The following SIRPA variants were observed in gnomAD, a reference collection of about 807,000 sequenced individuals.
SIRPA encodes the protein tyrosine-protein phosphatase non-receptor type substrate 1.
SIRPA carries 9 observed loss-of-function variants against 50.3 expected under a neutral mutation model. The ratio of observed to expected loss-of-function variants is 0.18; its 90% confidence interval spans 0.11 to 0.31. The LOEUF (loss-of-function observed/expected upper bound fraction) is 0.31. Ranked by LOEUF, SIRPA falls within the 10% of genes least tolerant of loss-of-function variation. The probability of loss-of-function intolerance (pLI) is 1.00; values close to 1 mark genes in which losing one functional copy is unlikely to be tolerated. For missense variants in SIRPA, 474 were observed against 661.6 expected (o/e 0.72, Z 3.11); for synonymous variants, 265 against 284.1 (o/e 0.93, Z 0.68).
chr20:1,894,441 A>T (rs1429633475), upstream of SIRPA: 2 of 152,088 alleles, frequency 1.3e-5, no homozygotes, highest in African/African-American at 4.8e-5. This position sits in a 1 kb window ranked among gnomAD's most constrained non-coding sequence, Gnocchi z 4.0. Flanking sequence ...AAGTTTGCGC[A>T]AAGTGGAGCG....
chr20:1,910,159 A>C (rs1004293486), intron 1 of SIRPA, among the ~76,000 whole-genome samples: 10 of 152,176 alleles, frequency 6.6e-5, no homozygotes, highest in South Asian at 2.1e-4. Flanking sequence ...TGGAAGCTCC[A>C]TGAGGCCAGG....
intron 1 of SIRPA, among the ~76,000 whole-genome samples, chr20:1,897,745 G>T (rs866135397): frequency 6.6e-6 from 1 of 151,678 alleles, no homozygotes; most frequent in East Asian, 1.9e-4. Flanking sequence ...TTTTGGGGGG[G>T]TGGGGCCAAT....
chr20:1,896,361 C>T (rs1016086205), intron 1 of SIRPA, among the ~76,000 whole-genome samples: 2 of 149,516 alleles, frequency 1.3e-5, no homozygotes, highest in African/African-American at 2.5e-5. Context: ...GGCTACTGTG[C>T]ATGTTCACCA....
intron 6 of SIRPA, among the ~76,000 whole-genome samples, chr20:1,930,624 CTT>C (rs1448492324): frequency 6.6e-6 from 1 of 152,072 alleles, no homozygotes. Flanking sequence ...GAGTTTTGCT[CTT>C]GTTGCCCATG....
At chr20:1,931,532 G>T (rs1986299128) in intron 6 of SIRPA, among the ~76,000 whole-genome samples, 1 of 152,168 alleles carries the variant, frequency 6.6e-6, no homozygotes, top group African/African-American at 2.4e-5. Flanking sequence ...GAGATCACTT[G>T]CTCCCTTTCA....
Position 1,932,533 on chromosome 20 carries a change from T to C in SIRPA, c.1227-2182T>C, listed in dbSNP as rs1986351475. On this transcript the variant is annotated intron_variant, in intron 6 of 7. Coordinates refer to ENST00000358771, the MANE Select transcript of SIRPA (RefSeq NM_001040023.2). This position sits in a 1 kb window ranked among gnomAD's most constrained non-coding sequence, Gnocchi z 6.0. ...AGGAGAGGGATGGAGCCTAGAGCAG[T>C]TGGCCGAGCTGAGCCTTGGAGCTGG... Among the ~76,000 whole-genome samples the C allele has an allele frequency of 1.3e-5, 2 of 152,202 alleles. No homozygotes were observed. Among genetic ancestry groups the C allele is most frequent in the Non-Finnish European group, 2.9e-5 (2 of 68,036 alleles).
At chr20:1,929,256 G>A (rs1986165802) in intron 6 of SIRPA, among the ~76,000 whole-genome samples, 2 of 152,100 alleles carry the variant, frequency 1.3e-5, no homozygotes, top group Non-Finnish European at 1.5e-5. Context: ...TACAGGAGGT[G>A]AGGATGTGTA....
chr20:1,934,774 G>T lies in SIRPA; in HGVS notation c.1266+20G>T. 1 of 1,613,648 alleles carries T rather than the reference G, an allele frequency of 6.2e-7. No homozygotes were observed. The highest frequency in any genetic ancestry group is 1.6e-4 in the Middle Eastern group (1 of 6,062). Reference sequence around the variant, plus strand: ...ACACAGGTACAGTCCTTGGTGAGATGCCCTTCCTGGGAAACTCCGTGGCGT... The same window carrying T: ...ACACAGGTACAGTCCTTGGTGAGATTCCCTTCCTGGGAAACTCCGTGGCGT... On this transcript the variant is annotated intron_variant, in intron 7 of 7. Transcript: ENST00000358771. This position sits in a 1 kb window ranked among gnomAD's most constrained non-coding sequence, Gnocchi z 4.6.
intron 2 of SIRPA, among the ~76,000 whole-genome samples, chr20:1,921,176 C>T (rs1985626377): frequency 6.6e-6 from 1 of 152,150 alleles, no homozygotes; most frequent in Non-Finnish European, 1.5e-5. Context: ...CCCTCTGGGC[C>T]CTGCCCCTAC....
intron 1 of SIRPA, among the ~76,000 whole-genome samples, chr20:1,896,167 G>A (rs954252815): frequency 2.0e-5 from 3 of 152,196 alleles, no homozygotes; most frequent in African/African-American, 7.2e-5. Flanking sequence ...GGTTGCCAAA[G>A]CCTCTCCCTG....
chr20:1,902,982 C>T (rs1366081846), intron 1 of SIRPA, among the ~76,000 whole-genome samples: 11 of 138,846 alleles, frequency 7.9e-5, no homozygotes, highest in East Asian at 5.0e-4. Flanking sequence ...ACTGCACTCC[C>T]GCCTGGGTGA....
intron 2 of SIRPA, among the ~76,000 whole-genome samples, chr20:1,917,077 T>C (rs1234387544): frequency 2.0e-5 from 3 of 152,180 alleles, no homozygotes; most frequent in Non-Finnish European, 2.9e-5. Context: ...TGCTGACTCC[T>C]AGCAGAGTGC....
rs1246015069 is a variant in SIRPA, at chr20:1,937,387, C to T, written c.1334C>T (p.Ala445Val). Residue 445 changes from alanine to valine, a missense_variant, in exon 8 of 8, where the codon GCG becomes GTG. Physicochemically the swap from Ala to Val is moderately conservative, Grantham distance 64. This residue lies in a region of SIRPA where 180 missense variants were observed against 206.7 expected (regional missense o/e 0.87). Transcript: ENST00000358771. This position sits in a 1 kb window ranked among gnomAD's most constrained non-coding sequence, Gnocchi z 8.3. ...GGGAAGAAGCCTGCTCCCCAGGCTG[C>T]GGAGCCCAACAACCACACGGAGTAT... The part of the protein sequence containing the change: ...PKGKKPAPQA[A>V]EPNNHTEYAS... The T allele has an allele frequency of 1.4e-5, 22 of 1,614,078 alleles. No homozygotes were observed. Among genetic ancestry groups the T allele is most frequent in the Admixed American group, 3.3e-5 (2 of 60,022 alleles).
rs1986730655 is a variant in SIRPA, at chr20:1,938,676, C to T, written c.*1108C>T. 6.5e-6 allele frequency: 1 copy of T among 152,732 alleles called. No homozygotes were observed. Among genetic ancestry groups the T allele is most frequent in the African/African-American group, 2.4e-5 (1 of 41,466 alleles). The allele number at this position is 152,732 out of a possible 1,614,324, so 9.5% of individuals were successfully genotyped here. ...GACTTGGCCATGTTCTCAGCTGAGC[C>T]ACGCGGCTGGTAGTGCAGCCTTCTG... On this transcript the variant is annotated 3_prime_UTR_variant, in exon 8 of 8. Transcript: ENST00000358771.
chr20:1,917,577 G>T (rs1985378760), intron 2 of SIRPA, among the ~76,000 whole-genome samples: 1 of 152,154 alleles, frequency 6.6e-6, no homozygotes, highest in African/African-American at 2.4e-5. Flanking sequence ...GGAGTAGGAG[G>T]GACTGGCCCC....
At chr20:1,920,433 C>T (rs573368722) in intron 2 of SIRPA, among the ~76,000 whole-genome samples, 8 of 152,294 alleles carry the variant, frequency 5.3e-5, no homozygotes, top group South Asian at 2.1e-4. Context: ...TTTGGAGACA[C>T]GTTTACGACC....
chr20:1,911,641 T>C (rs1388837624), intron 1 of SIRPA, among the ~76,000 whole-genome samples: 1 of 152,192 alleles, frequency 6.6e-6, no homozygotes, highest in South Asian at 2.1e-4. Flanking sequence ...GGTTACGTCC[T>C]CAGGGAGCAG....
chr20:1,914,628 A>G (rs1182551797), intron 1 of SIRPA, among the ~76,000 whole-genome samples: 1 of 152,054 alleles, frequency 6.6e-6, no homozygotes, highest in African/African-American at 2.4e-5. Context: ...AACTCAAACT[A>G]CATTCTCCTA....
rs1201271811 is a variant in SIRPA at position 1,940,484 on chromosome 20, G to A, written c.*2916G>A. ...TGCCAGATGACTGATGTCAAGTGCT[G>A]GTTTATAGTGGGTGCTCAATAAATG... On this transcript the variant is annotated 3_prime_UTR_variant, in exon 8 of 8. Coordinates refer to ENST00000358771, the MANE Select transcript of SIRPA (RefSeq NM_001040023.2). The A allele has an allele frequency of 1.3e-5, 2 of 152,132 alleles. No individual in the cohort carries two copies. Among genetic ancestry groups the A allele is most frequent in the Non-Finnish European group, 1.5e-5 (1 of 68,028 alleles). The allele number at this position is 152,132 out of a possible 1,614,324, so 9.4% of individuals were successfully genotyped here.
Sources: allele counts gnomAD v4.1 joint callset (sites outside exome capture counted in the v4.1 genomes callset), GRCh38; gene constraint gnomAD v4.1.1; regional missense constraint gnomAD v4.1.1; non-coding constraint Gnocchi (gnomAD v3.1); transcripts MANE v1.5; gene names NCBI Gene and HGNC (gene_info 2026-07-23, HGNC 2026-07-21).